CAV1: variants seen among roughly 807,000 people sequenced by gnomAD.
The protein encoded by CAV1 is caveolin 1, also known as caveolin-1.
Under a neutral mutation model 16.5 loss-of-function variants are expected in CAV1, and 10 were observed. The ratio of observed to expected loss-of-function variants is 0.61; its 90% CI spans 0.37 to 1.03. The LOEUF is 1.03. CAV1 is among the 50% of genes least tolerant of loss of function. CAV1 has a pLI of 0.01. For synonymous variants in CAV1, 76 were observed against 85.1 expected (o/e 0.89, Z 0.59); for missense variants, 212 against 232.8 (o/e 0.91, Z 0.58).
chr7:116,526,403 G>A, intron 1 of CAV1, 122 bp from the exon 2 acceptor site: 1 of 1,552,036 alleles, frequency 6.4e-7, no homozygotes, highest in Non-Finnish European at 8.7e-7. Context: ...GTTCGATTTC[G>A]AGCTCGAGGT....
intron 2 of CAV1, among the ~76,000 whole-genome samples, chr7:116,534,396 T>TA (rs1491486855): frequency 2.6e-3 from 19 of 7,178 alleles, no homozygotes; most frequent in East Asian, 0.017. Context: ...TATATATATA[T>TA]TTTTTTTTTT....
chr7:116,525,449 G>T (rs1019171784), intron 1 of CAV1: 1 of 1,384,364 alleles, frequency 7.2e-7, no homozygotes, highest in Non-Finnish European at 9.5e-7. Flanking sequence ...CCTGCTGGGG[G>T]TTCGAAGAGG....
Position 116,559,779 on chromosome 7 carries a change from C to G in CAV1, c.*492C>G, listed in dbSNP as rs1223374720. 2.4e-6 allele frequency: 1 copy of G among 417,200 alleles called. No individual in the cohort carries two copies. The highest frequency in any genetic ancestry group is 4.0e-5 in the Admixed American group (1 of 24,794). 25.8% of individuals were successfully genotyped at this position (417,200 alleles called of 1,614,324 possible). ...CACTGTTTAAGGAGTTAGTGGATTA[C>G]TGCCATTCACTTCATAATCCAGTAG... On this transcript the variant is annotated 3_prime_UTR_variant, in exon 3 of 3. Transcript: ENST00000341049.
chr7:116,560,694 C>T lies in CAV1; in HGVS notation c.*1407C>T, dbSNP rs11553390. 1.3e-5 allele frequency: 2 copies of T among 152,590 alleles called. No homozygotes were observed. The highest frequency in any genetic ancestry group is 6.5e-5 in the Admixed American group (1 of 15,270). 9.5% of individuals were successfully genotyped at this position (152,590 alleles called of 1,614,324 possible). A position where few individuals can be genotyped will look rare whatever the true frequency, so the allele number is the denominator to read the frequency against. ...GTATATCCAAAAGCTTTTTATTCCT[C>T]CTGCTCATATTGTGATTCTGCCTTT... is the stretch of plus-strand genomic sequence containing the variant. On this transcript the variant is annotated 3_prime_UTR_variant, in exon 3 of 3. Transcript: ENST00000341049.
At chr7:116,540,687 T>G (rs968776877) in intron 2 of CAV1, among the ~76,000 whole-genome samples, 1 of 152,188 alleles carries the variant, frequency 6.6e-6, no homozygotes, top group Non-Finnish European at 1.5e-5. Flanking sequence ...ATGAAAATAA[T>G]AGCAAAGTGA....
At chr7:116,531,244 A>G (rs955654655) in intron 2 of CAV1, among the ~76,000 whole-genome samples, 8 of 152,374 alleles carry the variant, frequency 5.3e-5, no homozygotes, top group African/African-American at 1.9e-4. Context: ...TTGTCATGAG[A>G]GGAAAAATGT....
chr7:116,542,703 A>G lies in CAV1; in HGVS notation c.195+16014A>G, dbSNP rs183228164. On this transcript the variant is annotated intron_variant, in intron 2 of 2. Transcript: ENST00000341049. ...ACATAGCACAAATCTCATATCACTT[A>G]TGTAATCCAGCTCTGTGGTTCCTTC... 3 of 152,334 alleles carry G rather than the reference A, an allele frequency of 2.0e-5. No individual in the cohort carries two copies. The East Asian group carries it at 5.8e-4, about 29-fold the overall frequency. 9.4% of individuals were successfully genotyped at this position (152,334 alleles called of 1,614,324 possible).
At position 116,560,062 on chromosome 7, in the gene CAV1, G is replaced by C; in HGVS notation, c.*775G>C. The stretch of plus-strand genomic sequence containing the variant: ...ATCCATGACCTAGTTTTCCATGCGT[G>C]TTTCTGACTCTGAGCTACAGAGTCT... On this transcript the variant is annotated 3_prime_UTR_variant, in exon 3 of 3. Transcript: ENST00000341049. 2.6e-6 allele frequency: 1 copy of C among 379,016 alleles called. No homozygotes were observed. The highest frequency in any genetic ancestry group is 2.1e-5 in the African/African-American group (1 of 48,198). 23.5% of individuals were successfully genotyped at this position (379,016 alleles called of 1,614,324 possible).
chr7:116,525,728 T>A, intron 1 of CAV1: 3 of 1,058,598 alleles, frequency 2.8e-6, no homozygotes, highest in Non-Finnish European at 3.5e-6. Flanking sequence ...AAACCTCGTC[T>A]TCCAACACGT....
At chr7:116,529,860 G>A (rs1489983167) in intron 2 of CAV1, among the ~76,000 whole-genome samples, 3 of 152,068 alleles carry the variant, frequency 2.0e-5, no homozygotes, top group Non-Finnish European at 4.4e-5. Context: ...TAATTAAAGT[G>A]GTCACAAACT....
chr7:116,526,185 C>G (rs1481710466), intron 1 of CAV1: 1 of 708,128 alleles, frequency 1.4e-6, no homozygotes, highest in East Asian at 1.2e-4. Flanking sequence ...GCGGGTCCTG[C>G]GGGTCCTGCG....
chr7:116,556,860 G>A (rs770918570), intron 2 of CAV1, among the ~76,000 whole-genome samples: 31 of 152,148 alleles, frequency 2.0e-4, no homozygotes, highest in Non-Finnish European at 3.7e-4. Flanking sequence ...AAGAACACCT[G>A]CTGTAGTATT....
At chr7:116,529,713 A>G (rs1010020401) in intron 2 of CAV1, among the ~76,000 whole-genome samples, 3 of 152,244 alleles carry the variant, frequency 2.0e-5, no homozygotes, top group African/African-American at 4.8e-5. Context: ...ACATTATAGT[A>G]TACAATCCAG....
chr7:116,536,854 T>C (rs911720758), intron 2 of CAV1, among the ~76,000 whole-genome samples: 1 of 149,724 alleles, frequency 6.7e-6, no homozygotes, highest in African/African-American at 2.5e-5. Flanking sequence ...ATACAAAAAA[T>C]TAGCCGGGCG....
intron 2 of CAV1, among the ~76,000 whole-genome samples, chr7:116,534,926 T>G (rs973006229): frequency 6.6e-6 from 1 of 152,062 alleles, no homozygotes; most frequent in Non-Finnish European, 1.5e-5. Flanking sequence ...TACTTGCGGG[T>G]TAGGCCATTT....
intron 2 of CAV1, among the ~76,000 whole-genome samples, chr7:116,534,098 G>C (rs1006754989): frequency 3.3e-5 from 5 of 151,730 alleles, no homozygotes; most frequent in South Asian, 2.1e-4. Context: ...TGCACCTGTA[G>C]TCCCAGCTAC....
Position 116,525,109 on chromosome 7 carries a change from G to A in CAV1, c.30+17G>A. 4 of 1,614,200 alleles carry A rather than the reference G, an allele frequency of 2.5e-6. No homozygotes were observed. Among genetic ancestry groups the A allele is most frequent in the Middle Eastern group, 3.3e-4 (2 of 6,060 alleles). ...GACTCGGAGGTAGGCATCCGTGGGG[G>A]GGCGCCGGCTCGGGCGTGCGGGGAG... On this transcript the variant is annotated intron_variant, in intron 1 of 2. Transcript: ENST00000341049.
At chr7:116,555,536 GAGAGAGAGAAAGAA>G (rs1288250349) in intron 2 of CAV1, among the ~76,000 whole-genome samples, 1 of 11,944 alleles carries the variant, frequency 8.4e-5, no homozygotes, top group Non-Finnish European at 1.8e-4. Flanking sequence ...GAGAGAGAGA[GAGAGAGAGAAAGAA>G]AGAAAGAAAG....
intron 2 of CAV1, among the ~76,000 whole-genome samples, chr7:116,539,067 C>A (rs145167108): frequency 4.9e-4 from 75 of 152,264 alleles, no homozygotes; most frequent in African/African-American, 1.4e-3. Flanking sequence ...ATTTGGGAAG[C>A]ACCAGCCCTG....
Sources: gnomAD v4.1 joint callset for allele counts (sites outside exome capture counted in the v4.1 genomes callset) on GRCh38, gnomAD v4.1.1 for gene constraint, MANE v1.5 for transcripts, NCBI Gene and HGNC (gene_info 2026-07-23, HGNC 2026-07-21) for gene names.